The following MMP16 variants were observed in gnomAD, a reference collection of about 807,000 sequenced individuals.
The protein encoded by MMP16 is matrix metallopeptidase 16, also known as matrix metalloproteinase-16.
Under a neutral mutation model 67.8 loss-of-function variants are expected in MMP16, and 12 were observed. That is an observed-to-expected ratio of 0.18 (90% CI 0.11 to 0.29). MMP16 has a LOEUF of 0.29. Ranked by LOEUF, MMP16 falls within the 10% of genes least tolerant of loss-of-function variation. The pLI, the probability that MMP16 is intolerant of heterozygous loss-of-function variation, is 1.00. For missense variants in MMP16, 475 were observed against 765.7 expected, an observed-to-expected ratio of 0.62 and a Z score of 4.48; for synonymous variants, 249 against 255.9, an observed-to-expected ratio of 0.97 and a Z score of 0.26.
intron 2 of MMP16, among the ~76,000 whole-genome samples, chr8:88,191,966 AC>A (rs1323286363): frequency 1.3e-5 from 2 of 152,212 alleles, no homozygotes; most frequent in African/African-American, 4.8e-5. Flanking sequence ...ACTGCCAAAT[AC>A]ATATGTTGTA....
chr8:88,188,056 G>T (rs1476085098), intron 2 of MMP16, among the ~76,000 whole-genome samples: 1 of 152,158 alleles, frequency 6.6e-6, no homozygotes, highest in African/African-American at 2.4e-5. Flanking sequence ...GAATTTGAGA[G>T]ATATTTCACT....
At chr8:88,218,295 A>T (rs1400056252) in intron 1 of MMP16, among the ~76,000 whole-genome samples, 2 of 152,008 alleles carry the variant, frequency 1.3e-5, no homozygotes, top group Non-Finnish European at 2.9e-5. Flanking sequence ...GCAAATCTCA[A>T]TGACCTAAAT....
rs946990080 is a variant in MMP16 at position 88,134,977 on chromosome 8, A to C, written c.710-16116T>G. Among the ~76,000 whole-genome samples the C allele has an allele frequency of 2.0e-5, 3 of 151,588 alleles. No homozygotes were observed. In the Admixed American group the frequency reaches 2.0e-4, roughly 10 times the overall value. On this transcript the variant is annotated intron_variant, in intron 4 of 9. Coordinates refer to ENST00000286614, the MANE Select transcript of MMP16 (RefSeq NM_005941.5). ...TTCCCAAATAAGCTTTTTCATCATT[A>C]AAAAAAGGATAAGAAATAAATCTTT...
At chr8:88,312,425 G>A (rs1811309657) in intron 1 of MMP16, among the ~76,000 whole-genome samples, 2 of 152,184 alleles carry the variant, frequency 1.3e-5, no homozygotes, top group Non-Finnish European at 1.5e-5. Context: ...ACTAAGAACC[G>A]GATTATATAT....
chr8:88,097,928 T>G (rs1440142651), intron 6 of MMP16, among the ~76,000 whole-genome samples: 1 of 151,898 alleles, frequency 6.6e-6, no homozygotes, highest in Non-Finnish European at 1.5e-5. Flanking sequence ...AAGGGCACAC[T>G]ACTCCAGATT....
At chr8:88,238,101 C>T (rs1586220258) in intron 1 of MMP16, among the ~76,000 whole-genome samples, 1 of 152,128 alleles carries the variant, frequency 6.6e-6, no homozygotes, top group East Asian at 1.9e-4. Context: ...ATATGGTGAA[C>T]CTGTCACAGG....
chr8:88,227,384 A>G (rs1809788112), intron 1 of MMP16, among the ~76,000 whole-genome samples: 1 of 152,130 alleles, frequency 6.6e-6, no homozygotes, highest in African/African-American at 2.4e-5. Flanking sequence ...TTACCACAGA[A>G]ATAGTTCAGA....
chr8:88,195,612 G>A (rs1485534481), intron 2 of MMP16, among the ~76,000 whole-genome samples: 1 of 152,126 alleles, frequency 6.6e-6, no homozygotes, highest in African/African-American at 2.4e-5. Flanking sequence ...TTTATTTAAG[G>A]CAAGGGGCAT....
intron 4 of MMP16, among the ~76,000 whole-genome samples, chr8:88,134,652 T>C (rs1808088218): frequency 6.6e-6 from 1 of 151,680 alleles, no homozygotes; most frequent in Non-Finnish European, 1.5e-5. Flanking sequence ...ACATTCCAAT[T>C]AATTCATCAA....
At chr8:88,303,864 G>A (rs1053793692) in intron 1 of MMP16, among the ~76,000 whole-genome samples, 4 of 152,134 alleles carry the variant, frequency 2.6e-5, no homozygotes, top group South Asian at 2.1e-4. Context: ...GAATCAACAC[G>A]AAAATACTGA....
At chr8:88,295,175 C>A (rs2130028408) in intron 1 of MMP16, among the ~76,000 whole-genome samples, 1 of 152,288 alleles carries the variant, frequency 6.6e-6, no homozygotes, top group South Asian at 2.1e-4. Context: ...TGTCTTAATG[C>A]ACAAATATGA....
intron 6 of MMP16, among the ~76,000 whole-genome samples, chr8:88,078,343 A>G (rs1281968801): frequency 6.6e-6 from 1 of 152,232 alleles, no homozygotes; most frequent in African/African-American, 2.4e-5. Flanking sequence ...ACCCAGACAG[A>G]TCATTTAGTT....
chr8:88,262,605 T>C (rs1487959423), intron 1 of MMP16, among the ~76,000 whole-genome samples: 1 of 152,174 alleles, frequency 6.6e-6, no homozygotes, highest in East Asian at 1.9e-4. Flanking sequence ...GTTGGCTGTC[T>C]CTTTTCTAGA....
intron 7 of MMP16, among the ~76,000 whole-genome samples, chr8:88,068,903 T>G (rs1484077075): frequency 6.6e-6 from 1 of 152,098 alleles, no homozygotes; most frequent in South Asian, 2.1e-4. Flanking sequence ...GATTTCACCA[T>G]GTTGGCCAGG....
chr8:88,173,681 T>C (rs980074136), intron 3 of MMP16, among the ~76,000 whole-genome samples: 1 of 152,202 alleles, frequency 6.6e-6, no homozygotes, highest in African/African-American at 2.4e-5. Flanking sequence ...TAATATTCTA[T>C]CCAAAGAAAA....
chr8:88,283,107 G>A (rs370554495), intron 1 of MMP16, among the ~76,000 whole-genome samples: 2 of 151,838 alleles, frequency 1.3e-5, no homozygotes, highest in South Asian at 4.2e-4. Context: ...ACACATTCTG[G>A]GTACAATGAG....
chr8:88,309,722 T>C (rs1230904897), intron 1 of MMP16, among the ~76,000 whole-genome samples: 2 of 152,072 alleles, frequency 1.3e-5, no homozygotes, highest in Non-Finnish European at 2.9e-5. Flanking sequence ...AGCACATGTA[T>C]CAATGAAAGA....
chr8:88,274,693 G>A (rs1346959053), intron 1 of MMP16, among the ~76,000 whole-genome samples: 5 of 151,950 alleles, frequency 3.3e-5, no homozygotes, highest in Admixed American at 2.6e-4. Flanking sequence ...TCTGTGGAAG[G>A]TAAATGAGTC....
rs2664370 is a variant in MMP16 at position 88,039,069 on chromosome 8, C to T, written c.*2392G>A. 0.57 allele frequency: 86,625 copies of T among 152,236 alleles called. 24,803 individuals carry two copies. The highest frequency in any genetic ancestry group is 0.68 in the East Asian group (3,510 of 5,138). The allele number at this position is 152,236 out of a possible 1,614,324, so 9.4% of individuals were successfully genotyped here. A position where few individuals can be genotyped will look rare whatever the true frequency, so the allele number is the denominator to read the frequency against. On this transcript the variant is annotated 3_prime_UTR_variant, in exon 10 of 10. Transcript: ENST00000286614. This position sits in a 1 kb window ranked among gnomAD's most constrained non-coding sequence, Gnocchi z 4.5. ...AAAAGGCATTCTAATTTTCATGCTA[C>T]GTTGAGTATAAATATAAATTCAAGG...
Sources: gnomAD v4.1 joint callset for allele counts (sites outside exome capture counted in the v4.1 genomes callset) on GRCh38, gnomAD v4.1.1 for gene constraint, Gnocchi (gnomAD v3.1) non-coding constraint, MANE v1.5 for transcripts, NCBI Gene and HGNC (gene_info 2026-07-23, HGNC 2026-07-21) for gene names.